The following ELF2 variants were observed in gnomAD, a reference collection of about 807,000 sequenced individuals.
ELF2 encodes the protein ETS-related transcription factor Elf-2.
In ELF2, 11 loss-of-function variants were observed where a neutral mutation model predicts 54.8. The observed-to-expected ratio is 0.20, with a 90% CI of 0.13 to 0.33. The LOEUF is 0.33. Ranked by LOEUF, ELF2 falls within the 10% of genes least tolerant of loss-of-function variation. The probability of loss-of-function intolerance (pLI) is 1.00; values close to 1 mark genes in which losing one functional copy is unlikely to be tolerated. For synonymous variants in ELF2, 203 were observed against 245.1 expected (o/e 0.83, Z 1.61); for missense variants, 513 against 703.0 (o/e 0.73, Z 3.06).
At chr4:139,139,366 T>G (rs904710568) in intron 2 of ELF2, 47 bp downstream of exon 2, 2 of 966,120 alleles carry the variant, frequency 2.1e-6, no homozygotes, top group African/African-American at 3.4e-5. Flanking sequence ...CCATATAAGG[T>G]ACTATTCCCA....
chr4:139,171,967 A>G (rs1396374619), intron 1 of ELF2, among the ~76,000 whole-genome samples: 1 of 152,324 alleles, frequency 6.6e-6, no homozygotes. Context: ...AAAAAGAAAT[A>G]CAATAATAAG....
At chr4:139,084,406 C>G in intron 4 of ELF2, 2 of 1,400,752 alleles carry the variant, frequency 1.4e-6, no homozygotes, top group Non-Finnish European at 1.9e-6. Context: ...AACCCCACCA[C>G]CTAACGGCAG....
intron 4 of ELF2, among the ~76,000 whole-genome samples, chr4:139,082,951 C>CCCACCCCTGCGG (rs1731336095): frequency 6.6e-6 from 1 of 152,216 alleles, no homozygotes; most frequent in African/African-American, 2.4e-5. Context: ...CCGCACATCC[C>CCCACCCCTGCGG]CCACCCCTGC....
intron 8 of ELF2, among the ~76,000 whole-genome samples, chr4:139,061,621 TAAG>T (rs992357373): frequency 1.8e-4 from 28 of 152,324 alleles, no homozygotes; most frequent in South Asian, 6.2e-4. Context: ...TAATTTCTAT[TAAG>T]AAACACTCCT....
At chr4:139,164,140 AGAG>A (rs1741472364) in intron 1 of ELF2, among the ~76,000 whole-genome samples, 1 of 136,020 alleles carries the variant, frequency 7.4e-6, no homozygotes, top group Non-Finnish European at 1.7e-5. Context: ...AAGAGAAAGA[AGAG>A]AGAGAAAGAA....
chr4:139,071,525 G>A (rs1478790061), intron 6 of ELF2, among the ~76,000 whole-genome samples: 3 of 151,852 alleles, frequency 2.0e-5, no homozygotes, highest in African/African-American at 7.3e-5. Context: ...GTGTGTGTGT[G>A]TTTTTTTAAG....
intron 4 of ELF2, among the ~76,000 whole-genome samples, chr4:139,077,902 A>G (rs901161112): frequency 6.6e-6 from 1 of 152,228 alleles, no homozygotes; most frequent in African/African-American, 2.4e-5. Flanking sequence ...AATGAAGCTA[A>G]AAGTAGTCTG....
At chr4:139,143,020 G>A (rs1451912286) in intron 1 of ELF2, among the ~76,000 whole-genome samples, 2 of 152,220 alleles carry the variant, frequency 1.3e-5, no homozygotes, top group African/African-American at 2.4e-5. Flanking sequence ...GGAGTAGGAT[G>A]CACCAGGAAT....
At chr4:139,161,652 TAAAAAAAAAAAAA>T (rs57452146) in intron 1 of ELF2, among the ~76,000 whole-genome samples, 9 of 70,028 alleles carry the variant, frequency 1.3e-4, no homozygotes, top group South Asian at 5.9e-4. Context: ...TAAAACTGTT[TAAAAAAAAAAAAA>T]AAAAAAAAAA....
rs1167525345 is a variant in ELF2 at position 139,083,438 on chromosome 4, G to A, written c.239-9871C>T. On this transcript the variant is annotated intron_variant, in intron 4 of 9. Coordinates refer to ENST00000686138, the MANE Select transcript of ELF2 (RefSeq NM_001331036.3). ...GCCACCCGTTAAATGAGCAAAGGGA[G>A]GCGGGCCCCTGAAACATCATCCCGG... Among the ~76,000 whole-genome samples the A allele has an allele frequency of 2.6e-5, 4 of 152,200 alleles. No individual in the cohort carries two copies. In the East Asian group the frequency reaches 5.8e-4, roughly 22 times the overall value.
chr4:139,119,937 C>T (rs890657333), intron 4 of ELF2, among the ~76,000 whole-genome samples: 1 of 152,090 alleles, frequency 6.6e-6, no homozygotes, highest in Non-Finnish European at 1.5e-5. Context: ...CCACACCCAG[C>T]TAATTTTTGT....
Position 139,057,639 on chromosome 4 carries a change from A to G in ELF2, c.*1344T>C, listed in dbSNP as rs1031422311. On this transcript the variant is annotated 3_prime_UTR_variant, in exon 10 of 10. Coordinates refer to ENST00000686138, the MANE Select transcript of ELF2 (RefSeq NM_001331036.3). ...AAATTCTTTAAGTGCAGCCAACTAAAATACTAAATTCATTACGTTAAGCAG... is the reference window on the plus strand; with the variant it reads ...AAATTCTTTAAGTGCAGCCAACTAAGATACTAAATTCATTACGTTAAGCAG... 1.3e-5 allele frequency: 2 copies of G among 152,226 alleles called. No individual in the cohort carries two copies. Among genetic ancestry groups the G allele is most frequent in the African/African-American group, 4.8e-5 (2 of 41,458 alleles). The allele number at this position is 152,226 out of a possible 1,614,324, so 9.4% of individuals were successfully genotyped here. A position where few individuals can be genotyped will look rare whatever the true frequency, so the allele number is the denominator to read the frequency against.
chr4:139,134,628 T>A (rs1360712709), intron 3 of ELF2, among the ~76,000 whole-genome samples: 1 of 146,642 alleles, frequency 6.8e-6, no homozygotes, highest in South Asian at 2.2e-4. Context: ...ATTTATTTTA[T>A]TTTATTTTAT....
chr4:139,061,754 T>C (rs1727891861), intron 8 of ELF2, 111 bp downstream of exon 8: 1 of 1,252,578 alleles, frequency 8.0e-7, no homozygotes, highest in Admixed American at 2.7e-5. Flanking sequence ...CTCTAGAATA[T>C]CCCCCAAAGT....
At chr4:139,136,343 C>T (rs1043423487) in intron 3 of ELF2, among the ~76,000 whole-genome samples, 2 of 151,952 alleles carry the variant, frequency 1.3e-5, no homozygotes, top group Non-Finnish European at 2.9e-5. Flanking sequence ...AAAAGAAGAC[C>T]TTCACTTTAT....
At chr4:139,088,029 G>A (rs1732178825) in intron 4 of ELF2, among the ~76,000 whole-genome samples, 1 of 152,130 alleles carries the variant, frequency 6.6e-6, no homozygotes, top group East Asian at 1.9e-4. Flanking sequence ...GCTCACGCCT[G>A]TAATCCCAGC....
intron 4 of ELF2, among the ~76,000 whole-genome samples, chr4:139,114,695 CCG>C (rs1735417649): frequency 7.5e-6 from 1 of 134,160 alleles, no homozygotes; most frequent in African/African-American, 2.8e-5. Flanking sequence ...ATTAAAGGGC[CCG>C]CGCCACGGAG....
At chr4:139,159,606 G>C (rs1187071688) in intron 1 of ELF2, among the ~76,000 whole-genome samples, 1 of 152,050 alleles carries the variant, frequency 6.6e-6, no homozygotes, top group Non-Finnish European at 1.5e-5. Flanking sequence ...GATGCCTTTT[G>C]ATGGCTGCTT....
intron 1 of ELF2, among the ~76,000 whole-genome samples, chr4:139,148,672 T>C (rs113320471): frequency 6.6e-6 from 1 of 152,226 alleles, no homozygotes; most frequent in African/African-American, 2.4e-5. Flanking sequence ...TTTTTTACCA[T>C]TGTGAATGCT....
Sources: gnomAD v4.1 joint callset for allele counts (sites outside exome capture counted in the v4.1 genomes callset) on GRCh38, gnomAD v4.1.1 for gene constraint, MANE v1.5 for transcripts, NCBI Gene and HGNC (gene_info 2026-07-23, HGNC 2026-07-21) for gene names.